SPTBN5: variants seen among roughly 807,000 people sequenced by gnomAD.
The protein encoded by SPTBN5 is spectrin beta chain, non-erythrocytic 5.
Under a neutral mutation model 477.6 loss-of-function variants are expected in SPTBN5, and 513 were observed. The ratio of observed to expected loss-of-function variants is 1.07; its 90% CI spans 1.00 to 1.16. The LOEUF is 1.16. Among genes scored for constraint, SPTBN5 ranks in the 50% most tolerant of loss-of-function variants. The probability of loss-of-function intolerance (pLI) is 0.00; values close to 1 mark genes in which losing one functional copy is unlikely to be tolerated. For missense variants in SPTBN5, 5,062 were observed against 4,731.8 expected (o/e 1.07, Z -2.05); for synonymous variants, 2,169 against 2,011.7 (o/e 1.08, Z -2.09).
Position 41,861,912 on chromosome 15 carries a change from G to T in SPTBN5, c.7560C>A (p.Asp2520Glu). Residue 2520 changes from aspartate (D) to glutamate (E), a missense_variant, in exon 45 of 68, where the codon GAC becomes GAA. Transcript: ENST00000320955. ...EEHQECKAELDSWTDSISLAR... is the reference protein window; with the variant it reads ...EEHQECKAELESWTDSISLAR... The stretch of plus-strand genomic sequence containing the variant: ...CCAGGCTGATGCTGTCTGTCCAGGA[G>T]TCCAGCTCGGCCTGGAACAGGACTG... The T allele has an allele frequency of 6.2e-7, 1 of 1,603,096 alleles. No homozygotes were observed. The highest frequency in any genetic ancestry group is 8.5e-7 in the Non-Finnish European group (1 of 1,177,782).
chr15:41,854,992 GC>G lies in SPTBN5; in HGVS notation c.9424-17del. ...CTTCCAGCACCTGCAAAGGTATGAGGCCCAGCAGGGTCACTTGAGATGGTAT... is the reference window on the plus strand; with the variant it reads ...CTTCCAGCACCTGCAAAGGTATGAGGCCAGCAGGGTCACTTGAGATGGTAT... On this transcript the variant is annotated splice_polypyrimidine_tract_variant and intron_variant, in intron 55 of 67. Transcript: ENST00000320955. 6.6e-7 allele frequency: 1 copy of G among 1,525,262 alleles called. No homozygotes were observed. The allele number at this position is 1,525,262 out of a possible 1,614,324, so 94.5% of individuals were successfully genotyped here.
At position 41,877,294 on chromosome 15, in the gene SPTBN5, T is replaced by C. The variant is rs752867364; in HGVS notation, c.3533A>G (p.Glu1178Gly). 2.5e-6 allele frequency: 4 copies of C among 1,613,252 alleles called. No individual in the cohort carries two copies. The highest frequency in any genetic ancestry group is 3.4e-6 in the Non-Finnish European group (4 of 1,179,654). The stretch of plus-strand genomic sequence containing the variant: ...CAGGACCCTCAGAGTGTTGGGCACC[T>C]CTTGGGAGTCTGGGCAGTCCAAGGC... Reference protein sequence around the residue: ...MAALDCPDSQEVPNTLRVLGQ... With the variant: ...MAALDCPDSQGVPNTLRVLGQ... The change falls in exon 18 of 68, where the codon GAG (glutamate) becomes GGG (glycine). Residue 1178 changes from glutamate (E) to glycine (G), a missense_variant. Glu to Gly is a moderately conservative substitution (Grantham distance 98). Transcript: ENST00000320955.
chr15:41,883,167 C>T lies in SPTBN5; in HGVS notation c.1721G>A (p.Arg574Lys), dbSNP rs1164287474. The T allele has an allele frequency of 6.2e-7, 1 of 1,612,886 alleles. No homozygotes were observed. The highest frequency in any genetic ancestry group is 8.5e-7 in the Non-Finnish European group (1 of 1,179,806). ...GACTTGAGCCTCCAGCAGGTCATGC[C>T]TCTGCAGCAGCTCCACCACTTCTGC... ...QLAEVVELLQ[R>K]HDLLEAQVSA... Residue 574 changes from arginine to lysine, a missense_variant, in exon 9 of 68, where the codon AGG becomes AAG. Transcript: ENST00000320955.
chr15:41,848,250 C>G lies in SPTBN5; in HGVS notation c.*366G>C. The G allele has an allele frequency of 2.0e-6, 1 of 495,602 alleles. No homozygotes were observed. The highest frequency in any genetic ancestry group is 3.7e-6 in the Non-Finnish European group (1 of 272,866). The allele number at this position is 495,602 out of a possible 1,614,324, so 30.7% of individuals were successfully genotyped here. Reference sequence around the variant, plus strand: ...GGTACAGAGCTCGCTCATCAGTGTTCTTCCTCCGAAGAGCACATTCTCTGC... The same window carrying G: ...GGTACAGAGCTCGCTCATCAGTGTTGTTCCTCCGAAGAGCACATTCTCTGC... On this transcript the variant is annotated 3_prime_UTR_variant, in exon 68 of 68. Transcript: ENST00000320955.
chr15:41,866,880 A>T (rs886907399), intron 36 of SPTBN5, 79 bp downstream of exon 36: 92 of 1,448,202 alleles, frequency 6.4e-5, no homozygotes, highest in Non-Finnish European at 7.8e-5. Flanking sequence ...TCCGCCTCAC[A>T]GTGTTGCGGT....
In SPTBN5 at chr15:41,862,271, C is replaced by T. The variant is rs2066137491; in HGVS notation, c.7407G>A (p.Leu2469=). 6.2e-7 allele frequency: 1 copy of T among 1,606,734 alleles called. No homozygotes were observed. Among genetic ancestry groups the T allele is most frequent in the African/African-American group, 1.3e-5 (1 of 74,922 alleles). ...AQKRREALDA[L]HQAQKLQAML... is the part of the protein sequence containing the mutation. ...TTGCCTGGAGTTTCTGAGCTTGGTG[C>T]AAGGCATCCAGCGCCTCCCTCCTGC... The change falls in exon 44 of 68, where the codon TTG becomes TTA. Residue 2469 remains leucine (L), a synonymous_variant. Transcript: ENST00000320955.
In SPTBN5 at chr15:41,852,696, G is replaced by A. The variant is rs796864899; in HGVS notation, c.10387C>T (p.Gln3463Ter). 6.2e-7 allele frequency: 1 copy of A among 1,613,602 alleles called. No homozygotes were observed. Among genetic ancestry groups the A allele is most frequent in the South Asian group, 1.1e-5 (1 of 91,082 alleles). The part of the protein sequence containing the change: ...SDVELLLHRH[Q>*]DLEKLLAAQE... Reference sequence around the variant, plus strand: ...GCTGCCAGCAGCTTTTCTAAGTCCTGGTGTCTGTGCAGCAGCAACTCCACA... The same window carrying A: ...GCTGCCAGCAGCTTTTCTAAGTCCTAGTGTCTGTGCAGCAGCAACTCCACA... Residue 3463 changes from glutamine (Q) to a stop codon, truncating the protein, a stop_gained, in exon 61 of 68, where the codon CAG becomes TAG. Transcript: ENST00000320955. LOFTEE classifies it high-confidence loss of function.
At position 41,871,368 on chromosome 15, in the gene SPTBN5, C is replaced by T. The variant is rs1418637524; in HGVS notation, c.5447+7G>A. ...CCCCATGCTGGCCTGGCCCGTTGGG[C>T]ACTCACTGCAGATCCTGCTGCCTCT... On this transcript the variant is annotated splice_region_variant and intron_variant, in intron 29 of 67. Transcript: ENST00000320955. 8 of 1,422,278 alleles carry T rather than the reference C, an allele frequency of 5.6e-6. No individual in the cohort carries two copies. In the African/African-American group the frequency reaches 1.2e-4, roughly 21 times the overall value. 88.1% of individuals were successfully genotyped at this position (1,422,278 alleles called of 1,614,324 possible).
intron 66 of SPTBN5, 63 bp downstream of exon 66, chr15:41,850,791 G>A: frequency 1.3e-5 from 18 of 1,415,092 alleles, no homozygotes; most frequent in Non-Finnish European, 1.7e-5. Context: ...AAACACTAGG[G>A]GCCCAGGAGC....
chr15:41,886,441 A>G, intron 6 of SPTBN5, 75 bp from the exon 7 acceptor site: 1 of 1,473,948 alleles, frequency 6.8e-7, no homozygotes, highest in Admixed American at 2.3e-5. Context: ...TGCCAGCCAG[A>G]GTTCCCCAGG....
At position 41,891,065 on chromosome 15, in the gene SPTBN5, A is replaced by G. The variant is rs182900024; in HGVS notation, c.385-860T>C. The stretch of plus-strand genomic sequence containing the variant: ...CCTCCCTGCCTTTAACTCTTCACTC[A>G]GATGTTGCCTAGCCTGACCACTTTA... On this transcript the variant is annotated intron_variant, in intron 3 of 67. Transcript: ENST00000320955. Among the ~76,000 whole-genome samples, 56 of 152,336 alleles carry G rather than the reference A, an allele frequency of 3.7e-4. No homozygotes were observed. The East Asian group carries it at 9.6e-3, about 26-fold the overall frequency.
At chr15:41,852,770 G>GC (rs1555460255) in intron 60 of SPTBN5, 35 bp from the exon 61 acceptor site, 5 of 864,712 alleles carry the variant, frequency 5.8e-6, no homozygotes, top group Non-Finnish European at 6.2e-6. Context: ...CGCCCAGCTT[G>GC]GGGGGGGGGG....
rs754333184 is a variant in SPTBN5 at position 41,853,415 on chromosome 15, G to T, written c.10013C>A (p.Ser3338Tyr). 6.3e-7 allele frequency: 1 copy of T among 1,597,582 alleles called. No individual in the cohort carries two copies. The highest frequency in any genetic ancestry group is 2.3e-5 in the East Asian group (1 of 44,256). ...CACGTCCTCAGCCAGCTCCTCGGAG[G>T]ACGCCAGCTCCTGCCTCTCCTGTGC... ...AWAQERQELA[S>Y]SEELAEDVAG... The change falls in exon 59 of 68, where the codon TCC becomes TAC. Residue 3338 changes from serine (S) to tyrosine (Y), a missense_variant. Coordinates refer to ENST00000320955, the MANE Select transcript of SPTBN5 (RefSeq NM_016642.4).
chr15:41,874,784 G>A (rs1398087199), intron 23 of SPTBN5, 58 bp downstream of exon 23: 1 of 1,530,888 alleles, frequency 6.5e-7, no homozygotes, highest in African/African-American at 1.4e-5. Context: ...GCCATCTTGT[G>A]GGACCTTAAA....
intron 67 of SPTBN5, among the ~76,000 whole-genome samples, 159 bp from the exon 68 acceptor site, chr15:41,848,787 G>A (rs985216899): frequency 4.6e-5 from 7 of 152,160 alleles, no homozygotes; most frequent in African/African-American, 1.7e-4. Context: ...CTGCAGCAGC[G>A]ACCACAGTGA....
chr15:41,876,068 A>G (rs779529589), intron 21 of SPTBN5, 46 bp downstream of exon 21: 1 of 1,568,570 alleles, frequency 6.4e-7, no homozygotes. Flanking sequence ...AGGGTTGGGA[A>G]TTTGAAGACA....
intron 5 of SPTBN5, 75 bp downstream of exon 5, chr15:41,887,853 G>A (rs1567232886): frequency 8.3e-6 from 12 of 1,440,140 alleles, no homozygotes; most frequent in Middle Eastern, 1.8e-4. Context: ...GTGGGAGAAC[G>A]GGTGGGCTGA....
chr15:41,886,412 C>A (rs1298618614), intron 6 of SPTBN5, 46 bp from the exon 7 acceptor site: 1 of 1,518,742 alleles, frequency 6.6e-7, no homozygotes, highest in Non-Finnish European at 8.8e-7. Flanking sequence ...TCAGGGCAGG[C>A]CCTGGAATGG....
At chr15:41,849,078 C>T (rs1007050832) in intron 67 of SPTBN5, among the ~76,000 whole-genome samples, 5 of 152,214 alleles carry the variant, frequency 3.3e-5, no homozygotes, top group East Asian at 3.8e-4. Flanking sequence ...GCTGTATATG[C>T]GTGTGCACAT....
Sources: gnomAD v4.1 joint callset for allele counts (sites outside exome capture counted in the v4.1 genomes callset) on GRCh38, gnomAD v4.1.1 for gene constraint, MANE v1.5 for transcripts, NCBI Gene and HGNC (gene_info 2026-07-23, HGNC 2026-07-21) for gene names.